The following LSAMP variants were observed in gnomAD, a reference collection of about 807,000 sequenced individuals.
LSAMP encodes the protein limbic system associated membrane protein, also known as limbic system-associated membrane protein.
LSAMP carries 7 observed loss-of-function variants against 38.6 expected under a neutral mutation model. That is an observed-to-expected ratio of 0.18 (90% confidence interval 0.10 to 0.34). LSAMP has a LOEUF of 0.34. Among genes scored for constraint, LSAMP ranks in the 10% least tolerant of loss-of-function variants. The pLI, the probability that LSAMP is intolerant of heterozygous loss-of-function variation, is 1.00. For missense variants in LSAMP, 313 were observed against 420.0 expected, an observed-to-expected ratio of 0.75 and a Z score of 2.23; for synonymous variants, 154 against 166.8, an observed-to-expected ratio of 0.92 and a Z score of 0.59.
At chr3:116,011,377 T>C (rs1299529162) in intron 3 of LSAMP, among the ~76,000 whole-genome samples, 1 of 152,106 alleles carries the variant, frequency 6.6e-6, no homozygotes, top group Non-Finnish European at 1.5e-5. Flanking sequence ...AGATAAGCAG[T>C]CATGTATCAA....
chr3:116,365,790 A>G (rs1441886412), intron 1 of LSAMP, among the ~76,000 whole-genome samples: 2 of 108,248 alleles, frequency 1.8e-5, no homozygotes, highest in Admixed American at 9.5e-5. Flanking sequence ...GCATATTCTC[A>G]CTCATACGTG....
intron 2 of LSAMP, among the ~76,000 whole-genome samples, chr3:116,082,833 T>C (rs1707901223): frequency 6.6e-6 from 1 of 151,914 alleles, no homozygotes; most frequent in African/African-American, 2.4e-5. Context: ...GGGAGATAAA[T>C]GATAAGAACT....
intron 1 of LSAMP, among the ~76,000 whole-genome samples, chr3:116,398,040 C>T (rs1352431702): frequency 6.6e-6 from 1 of 151,854 alleles, no homozygotes; most frequent in Non-Finnish European, 1.5e-5. Context: ...ACATAGCATT[C>T]TGTATCTAGT....
intron 3 of LSAMP, among the ~76,000 whole-genome samples, chr3:115,919,698 G>A (rs1350215075): frequency 3.9e-5 from 6 of 152,148 alleles, no homozygotes; most frequent in Non-Finnish European, 8.8e-5. Context: ...TGCAACCTCT[G>A]TCTCCCGGGT....
At chr3:116,116,415 G>A (rs1183952014) in intron 1 of LSAMP, among the ~76,000 whole-genome samples, 1 of 151,438 alleles carries the variant, frequency 6.6e-6, no homozygotes, top group East Asian at 1.9e-4. Context: ...GAGTAACAAA[G>A]GCTGGGCACA....
intron 1 of LSAMP, among the ~76,000 whole-genome samples, chr3:116,162,764 C>G (rs1051044412): frequency 1.3e-4 from 8 of 61,622 alleles, no homozygotes; most frequent in African/African-American, 3.9e-4. Context: ...TATACACACA[C>G]TTATACACAC....
chr3:116,075,015 T>C (rs1182227727), intron 2 of LSAMP, among the ~76,000 whole-genome samples: 1 of 152,004 alleles, frequency 6.6e-6, no homozygotes, highest in East Asian at 1.9e-4. Flanking sequence ...TTTGTATTTT[T>C]AATAGAGACA....
intron 2 of LSAMP, among the ~76,000 whole-genome samples, chr3:116,029,428 CATT>C: frequency 6.6e-6 from 1 of 152,114 alleles, no homozygotes; most frequent in South Asian, 2.1e-4. Flanking sequence ...AGAAAAAACT[CATT>C]ATAAGTATCA....
chr3:116,116,752 G>T (rs1168567205), intron 1 of LSAMP, among the ~76,000 whole-genome samples: 1 of 151,780 alleles, frequency 6.6e-6, no homozygotes, highest in Non-Finnish European at 1.5e-5. Flanking sequence ...ATAATAAAAT[G>T]AGGAATAAAA....
intron 1 of LSAMP, among the ~76,000 whole-genome samples, chr3:116,157,616 G>C (rs1709784890): frequency 6.6e-6 from 1 of 151,902 alleles, no homozygotes; most frequent in African/African-American, 2.4e-5. Flanking sequence ...GATATACTTA[G>C]GATATCCTGG....
At chr3:115,838,559 G>A (rs904579419) in intron 6 of LSAMP, among the ~76,000 whole-genome samples, 1 of 152,184 alleles carries the variant, frequency 6.6e-6, no homozygotes, top group Non-Finnish European at 1.5e-5. Context: ...TTAATATAAG[G>A]TAATGCTTAG....
intron 1 of LSAMP, among the ~76,000 whole-genome samples, chr3:116,179,783 G>T (rs1357852987): frequency 2.6e-5 from 4 of 152,126 alleles, no homozygotes; most frequent in Non-Finnish European, 5.9e-5. Flanking sequence ...ATTTTGACAT[G>T]AAATTTGGGC....
intron 1 of LSAMP, among the ~76,000 whole-genome samples, chr3:116,370,299 T>C (rs912253633): frequency 3.9e-5 from 6 of 152,116 alleles, no homozygotes; most frequent in Admixed American, 1.3e-4. Flanking sequence ...AACAAGAATT[T>C]AGTAAAGCTA....
intron 1 of LSAMP, among the ~76,000 whole-genome samples, chr3:116,412,090 C>T (rs149283553): frequency 1.2e-4 from 18 of 152,094 alleles, no homozygotes; most frequent in East Asian, 1.9e-4. Context: ...CAAGAGAAAG[C>T]GGACTAAGGC....
chr3:116,203,767 A>C (rs1003226315), intron 1 of LSAMP, among the ~76,000 whole-genome samples: 2 of 151,976 alleles, frequency 1.3e-5, no homozygotes, highest in African/African-American at 2.4e-5. Context: ...TCCATGGTGT[A>C]TATGTGCCAC....
At chr3:116,404,950 T>C (rs2048882479) in intron 1 of LSAMP, among the ~76,000 whole-genome samples, 1 of 152,128 alleles carries the variant, frequency 6.6e-6, no homozygotes, top group South Asian at 2.1e-4. Flanking sequence ...ACTTGAGATA[T>C]GTTAACATTG....
intron 1 of LSAMP, among the ~76,000 whole-genome samples, chr3:116,384,365 A>G (rs184406969): frequency 2.6e-5 from 4 of 152,240 alleles, no homozygotes; most frequent in South Asian, 2.1e-4. Flanking sequence ...CAGTCTGTAC[A>G]TTAGGATCAC....
rs184520241 is a variant in LSAMP at position 116,232,574 on chromosome 3, G to A, written c.156-146018C>T. ...GTTGCTTTATAAAGGTTTTGGCTTG[G>A]CTGTGTAGCATTTGCAATTTCCAAG... On this transcript the variant is annotated intron_variant, in intron 1 of 6. Coordinates refer to ENST00000490035, the MANE Select transcript of LSAMP (RefSeq NM_002338.5). Among the ~76,000 whole-genome samples, 3 of 152,196 alleles carry A rather than the reference G, an allele frequency of 2.0e-5. No individual in the cohort carries two copies. The East Asian group carries it at 5.8e-4, about 29-fold the overall frequency.
At chr3:116,203,086 T>G (rs913024288) in intron 1 of LSAMP, among the ~76,000 whole-genome samples, 1 of 152,208 alleles carries the variant, frequency 6.6e-6, no homozygotes, top group Non-Finnish European at 1.5e-5. Flanking sequence ...AATAAGAGCT[T>G]TATTTCTTGC....
Sources: gnomAD v4.1 joint callset for allele counts (sites outside exome capture counted in the v4.1 genomes callset) on GRCh38, gnomAD v4.1.1 for gene constraint, MANE v1.5 for transcripts, NCBI Gene and HGNC (gene_info 2026-07-23, HGNC 2026-07-21) for gene names.